Variants in TRNT1 observed in about 807,000 individuals in gnomAD.
TRNT1 encodes the protein tRNA nucleotidyl transferase 1.
Under a neutral mutation model 45.6 loss-of-function variants are expected in TRNT1, and 44 were observed. The ratio of observed to expected loss-of-function variants is 0.97; its 90% confidence interval spans 0.76 to 1.24. The LOEUF (loss-of-function observed/expected upper bound fraction) is 1.24. Among genes scored for constraint, TRNT1 ranks in the 50% most tolerant of loss-of-function variants. The pLI is 0.00. For missense variants in TRNT1, 633 were observed against 504.4 expected (o/e 1.25, Z -2.44); for synonymous variants, 201 against 171.4 (o/e 1.17, Z -1.35).
chr3:3,129,775 A>C, intron 2 of TRNT1: 1 of 1,195,302 alleles, frequency 8.4e-7, no homozygotes, highest in South Asian at 1.3e-5. Context: ...TTGACCTGTT[A>C]CGTGAAAAAG....
At chr3:3,141,851 C>T (rs915700252) in intron 4 of TRNT1, among the ~76,000 whole-genome samples, 2 of 152,170 alleles carry the variant, frequency 1.3e-5, no homozygotes, top group South Asian at 2.1e-4. Context: ...ATGACAGATA[C>T]AATTTCTAGG....
At chr3:3,132,744 A>C (rs1005613961) in intron 2 of TRNT1, among the ~76,000 whole-genome samples, 10 of 124,198 alleles carry the variant, frequency 8.1e-5, no homozygotes, top group Middle Eastern at 4.0e-3. Flanking sequence ...AAAAAAAAAA[A>C]CACAAAAAAA....
intron 4 of TRNT1, among the ~76,000 whole-genome samples, chr3:3,141,666 T>G (rs915736906): frequency 2.0e-5 from 3 of 152,214 alleles, no homozygotes; most frequent in African/African-American, 7.2e-5. Context: ...ACTTTAAAGT[T>G]AAGACAAGCC....
At chr3:3,150,840 A>C (rs200040256), downstream of TRNT1, 2 of 1,602,598 alleles carry the variant, frequency 1.2e-6, no homozygotes, top group African/African-American at 2.7e-5. Context: ...AATTTGTTAG[A>C]TAACTTTATC....
chr3:3,129,383 A>C, intron 2 of TRNT1, 195 bp downstream of exon 2: 5 of 529,164 alleles, frequency 9.4e-6, no homozygotes, highest in Non-Finnish European at 1.7e-5. Context: ...GCCTCCCAAA[A>C]TGCTGGGATT....
intron 1 of TRNT1, among the ~76,000 whole-genome samples, chr3:3,128,296 C>T (rs564598132): frequency 7.2e-5 from 11 of 152,200 alleles, no homozygotes; most frequent in Admixed American, 2.0e-4. Flanking sequence ...TAAACGGGTC[C>T]TGTTAAGAAT....
downstream of TRNT1, chr3:3,149,913 A>C (rs1430983663): frequency 6.6e-6 from 1 of 152,152 alleles, no homozygotes; most frequent in African/African-American, 2.4e-5. Flanking sequence ...GGACCCACTA[A>C]ACCCTTGAAT....
In TRNT1 at chr3:3,129,133, G is replaced by A. The variant is rs141005872; in HGVS notation, c.93G>A (p.Lys31=). ...CGAAGCAGTATCTATTCACAATGAA[G>A]TTGCAGTCTCCCGAATTCCAGTCAC... The part of the protein sequence containing the change: ...CLPKQYLFTM[K]LQSPEFQSLF... Residue 31 remains lysine (K), a synonymous_variant, in exon 2 of 8, where the codon AAG becomes AAA. Coordinates refer to ENST00000251607, the MANE Select transcript of TRNT1 (RefSeq NM_182916.3). The A allele has an allele frequency of 1.6e-5, 26 of 1,613,982 alleles. No individual in the cohort carries two copies. The highest frequency in any genetic ancestry group is 2.7e-5 in the African/African-American group (2 of 74,922).
downstream of TRNT1, chr3:3,152,668 C>T (rs1319980606): frequency 9.1e-6 from 14 of 1,532,612 alleles, no homozygotes; most frequent in East Asian, 3.2e-4. Context: ...TATTGAAGTT[C>T]ACCAAGAAAT....
At chr3:3,144,741 T>C in intron 5 of TRNT1, 31 bp downstream of exon 5, 2 of 1,490,126 alleles carry the variant, frequency 1.3e-6, no homozygotes, top group South Asian at 2.5e-5. Flanking sequence ...AAAATGATAG[T>C]TTTAATATCA....
In TRNT1 at chr3:3,135,479, C is replaced by T. The variant is rs147046905; in HGVS notation, c.149-1781C>T. ...GGATTTAAGGGAGGTGATGTGGTCC[C>T]AGAAGTGGGCTTTCATGGGAAATGT... On this transcript the variant is annotated intron_variant, in intron 2 of 7. Transcript: ENST00000251607. 5.1e-3 allele frequency among the ~76,000 whole-genome samples: 777 copies of T among 152,252 alleles called. 5 individuals carry two copies. The highest frequency in any genetic ancestry group is 0.018 in the African/African-American group (729 of 41,536).
At chr3:3,141,463 A>T (rs1464557854) in intron 4 of TRNT1, among the ~76,000 whole-genome samples, 2 of 152,190 alleles carry the variant, frequency 1.3e-5, no homozygotes, top group Non-Finnish European at 1.5e-5. Flanking sequence ...TTTACTGCTG[A>T]GCCTACACAC....
intron 2 of TRNT1, chr3:3,129,961 G>GTTT (rs1464554947): frequency 7.1e-6 from 11 of 1,550,414 alleles, no homozygotes; most frequent in Non-Finnish European, 9.6e-6. Context: ...AAGGAAATAG[G>GTTT]AGTTGCCTCC....
chr3:3,138,975 T>C (rs1705485152), intron 3 of TRNT1, among the ~76,000 whole-genome samples: 1 of 152,198 alleles, frequency 6.6e-6, no homozygotes, highest in African/African-American at 2.4e-5. Flanking sequence ...GTAGGAGTTT[T>C]CATTAGGAGA....
chr3:3,152,031 A>T (rs577523762), downstream of TRNT1, among the ~76,000 whole-genome samples: 1 of 152,354 alleles, frequency 6.6e-6, no homozygotes, highest in East Asian at 1.9e-4. Context: ...TTAACTGGAT[A>T]CAGTAATCTG....
rs1706223540 is a variant in TRNT1, at chr3:3,148,558, T to C, written c.*404T>C. 1 of 155,154 alleles carries C rather than the reference T, an allele frequency of 6.4e-6. No homozygotes were observed. Among genetic ancestry groups the C allele is most frequent in the Admixed American group, 6.4e-5 (1 of 15,714 alleles). 9.6% of individuals were successfully genotyped at this position (155,154 alleles called of 1,614,324 possible). A position where few individuals can be genotyped will look rare whatever the true frequency, so the allele number is the denominator to read the frequency against. On this transcript the variant is annotated 3_prime_UTR_variant, in exon 8 of 8. Transcript: ENST00000251607. ...GGGTTACCTTAACAATGACTGTCTA[T>C]GATGTGTCAGTTCTTATCTGAATTC...
chr3:3,128,956 T>G, intron 1 of TRNT1, 58 bp from the exon 2 acceptor site: 1 of 1,311,012 alleles, frequency 7.6e-7, no homozygotes, highest in Non-Finnish European at 1.0e-6. Context: ...CCCCTTTGTT[T>G]TCCTTCACTT....
rs1315498296 is a variant in TRNT1 at position 3,146,441 on chromosome 3, G to A, written c.620G>A (p.Arg207Lys). 4 of 1,609,064 alleles carry A rather than the reference G, an allele frequency of 2.5e-6. No individual in the cohort carries two copies. The highest frequency in any genetic ancestry group is 3.4e-6 in the Non-Finnish European group (4 of 1,178,532). ...RILRYFRFYGRIVDKPGDHDP... is the reference protein window; with the variant it reads ...RILRYFRFYGKIVDKPGDHDP... ...ATTTTGTCTTGTAGGTTTTATGGGA[G>A]AATTGTAGACAAACCTGGTGACCAT... The change falls in exon 6 of 8, where the codon AGA (arginine) becomes AAA (lysine). Residue 207 changes from arginine (R) to lysine (K), a missense_variant. Transcript: ENST00000251607.
rs747803738 is a variant in TRNT1, at chr3:3,144,716, A to G, written c.608+6A>G. ...AGAATTTTAAGATACTTCAGGTAAGAATTTTTAAAAATAAAAAATGATAGT... is the reference window on the plus strand; with the variant it reads ...AGAATTTTAAGATACTTCAGGTAAGGATTTTTAAAAATAAAAAATGATAGT... On this transcript the variant is annotated splice_donor_region_variant and intron_variant, in intron 5 of 7. Transcript: ENST00000251607. 6.6e-7 allele frequency: 1 copy of G among 1,518,986 alleles called. No homozygotes were observed. Among genetic ancestry groups the G allele is most frequent in the East Asian group, 2.3e-5 (1 of 43,556 alleles). The allele number at this position is 1,518,986 out of a possible 1,614,324, so 94.1% of individuals were successfully genotyped here. A position where few individuals can be genotyped will look rare whatever the true frequency, so the allele number is the denominator to read the frequency against.
Sources: allele counts gnomAD v4.1 joint callset (sites outside exome capture counted in the v4.1 genomes callset), GRCh38; gene constraint gnomAD v4.1.1; transcripts MANE v1.5; gene names NCBI Gene and HGNC (gene_info 2026-07-23, HGNC 2026-07-21).